Variants in MGAT5 observed in about 807,000 individuals in gnomAD.
MGAT5 encodes the protein alpha-1,6-mannosylglycoprotein 6-beta-N-acetylglucosaminyltransferase.
In MGAT5, 30 loss-of-function variants were observed where a neutral mutation model predicts 94.3. The ratio of observed to expected loss-of-function variants is 0.32; its 90% CI spans 0.24 to 0.43. MGAT5 has a LOEUF of 0.43. Among genes scored for constraint, MGAT5 ranks in the 20% least tolerant of loss-of-function variants. MGAT5 has a pLI of 1.00. For missense variants in MGAT5, 691 were observed against 905.5 expected, an observed-to-expected ratio of 0.76 and a Z score of 3.04; for synonymous variants, 310 against 322.9, an observed-to-expected ratio of 0.96 and a Z score of 0.43.
intron 10 of MGAT5, among the ~76,000 whole-genome samples, chr2:134,368,456 A>G (rs946163294): frequency 1.3e-5 from 2 of 152,208 alleles, no homozygotes; most frequent in Admixed American, 1.3e-4. Flanking sequence ...GAATTTGAAA[A>G]GTTCCTTTTT....
chr2:134,269,110 T>G (rs1683879066), intron 1 of MGAT5, among the ~76,000 whole-genome samples: 1 of 152,232 alleles, frequency 6.6e-6, no homozygotes, highest in South Asian at 2.1e-4. Flanking sequence ...CCATTTTGCA[T>G]TGCTGTAAAA....
intron 10 of MGAT5, among the ~76,000 whole-genome samples, chr2:134,377,182 C>T (rs1681236696): frequency 1.3e-5 from 2 of 152,324 alleles, no homozygotes; most frequent in Non-Finnish European, 2.9e-5. Context: ...TAACTTTTCT[C>T]ATGTAACACA....
At chr2:134,239,544 A>G (rs1573590243) in intron 1 of MGAT5, among the ~76,000 whole-genome samples, 1 of 152,068 alleles carries the variant, frequency 6.6e-6, no homozygotes, top group Non-Finnish European at 1.5e-5. Flanking sequence ...CATCCTTCTT[A>G]CCTACCCTCT....
rs78277120 is a variant in MGAT5, at chr2:134,149,540, G to A, written c.-143+29249G>A. On this transcript the variant is annotated intron_variant, in intron 1 of 16. Coordinates refer to the MGAT5 transcript ENST00000409645. ...GAGTTGGGTTCAAGGCCACACAGAT[G>A]TTGAATGAGCCTTGTGAGCTCTTCT... 8.3e-3 allele frequency among the ~76,000 whole-genome samples: 1,263 copies of A among 152,366 alleles called. 20 individuals carry two copies. The highest frequency in any genetic ancestry group is 0.029 in the African/African-American group (1,205 of 41,586).
chr2:134,124,270 G>A (rs144258661), intron 1 of MGAT5, among the ~76,000 whole-genome samples: 2 of 152,334 alleles, frequency 1.3e-5, no homozygotes, highest in East Asian at 3.9e-4. Flanking sequence ...GAGGAGTTTG[G>A]ACTCGAGCTG....
intron 1 of MGAT5, among the ~76,000 whole-genome samples, chr2:134,248,806 A>G (rs1233452674): frequency 6.6e-6 from 1 of 152,094 alleles, no homozygotes; most frequent in Non-Finnish European, 1.5e-5. Context: ...GCCTTTGTTT[A>G]TCCTCTGAGG....
chr2:134,369,727 T>TTGTG (rs10526028), intron 10 of MGAT5, among the ~76,000 whole-genome samples: 7,733 of 142,202 alleles, frequency 0.054, 601 homozygotes, highest in African/African-American at 0.17. Context: ...GGTTTTTACA[T>TTGTG]TGTGTGTGTG....
chr2:134,261,737 T>C (rs561000806), intron 1 of MGAT5, among the ~76,000 whole-genome samples: 1 of 152,336 alleles, frequency 6.6e-6, no homozygotes, highest in South Asian at 2.1e-4. Context: ...GGAGGGACTT[T>C]GGTCTGTTTT....
chr2:134,258,040 A>C (rs1683088795), intron 1 of MGAT5, among the ~76,000 whole-genome samples: 1 of 152,080 alleles, frequency 6.6e-6, no homozygotes, highest in African/African-American at 2.4e-5. Flanking sequence ...ATGGGTATAC[A>C]GTAGGTATTT....
At chr2:134,267,248 G>A (rs1222561127) in intron 1 of MGAT5, among the ~76,000 whole-genome samples, 1 of 152,214 alleles carries the variant, frequency 6.6e-6, no homozygotes, top group Non-Finnish European at 1.5e-5. Flanking sequence ...ATCAGCCCTG[G>A]AACCAGACTG....
At chr2:134,170,052 G>A (rs1307730586) in intron 1 of MGAT5, among the ~76,000 whole-genome samples, 3 of 152,152 alleles carry the variant, frequency 2.0e-5, no homozygotes, top group Non-Finnish European at 4.4e-5. Flanking sequence ...GCCATATGAT[G>A]CACCAACTAG....
chr2:134,339,628 G>C (rs1688520708), intron 6 of MGAT5, among the ~76,000 whole-genome samples: 1 of 152,102 alleles, frequency 6.6e-6, no homozygotes, highest in African/African-American at 2.4e-5. Flanking sequence ...GGGGAGTTGG[G>C]ATTAGCATGG....
Position 134,154,767 on chromosome 2 carries a change from ACT to A in MGAT5, c.-143+34483_-143+34484del, listed in dbSNP as rs548604405. ...GCCATCCTGACAACTGTGCTGTCTG[ACT>A]CTCTCTAATGAGCTGTGAGGCGATC... On this transcript the variant is annotated intron_variant, in intron 1 of 16. Transcript: ENST00000409645. Among the ~76,000 whole-genome samples, 14 of 151,968 alleles carry A rather than the reference ACT, an allele frequency of 9.2e-5. No individual in the cohort carries two copies. In the South Asian group the frequency reaches 1.0e-3, roughly 11 times the overall value.
At chr2:134,281,256 C>A (rs190744867) in intron 2 of MGAT5, among the ~76,000 whole-genome samples, 20 of 152,308 alleles carry the variant, frequency 1.3e-4, no homozygotes, top group Admixed American at 6.5e-4. Context: ...GTGATTAATA[C>A]CGTGTTACAA....
At chr2:134,137,246 C>G (rs569015612) in intron 1 of MGAT5, among the ~76,000 whole-genome samples, 1 of 152,306 alleles carries the variant, frequency 6.6e-6, no homozygotes, top group South Asian at 2.1e-4. Context: ...GGGTGTTTTC[C>G]TGTTGGCGTA....
In MGAT5 at chr2:134,270,466, G is replaced by C. The variant is rs763384855; in HGVS notation, c.322G>C (p.Val108Leu). 1.9e-6 allele frequency: 3 copies of C among 1,614,118 alleles called. No individual in the cohort carries two copies. Among genetic ancestry groups the C allele is most frequent in the South Asian group, 2.2e-5 (2 of 91,084 alleles). ...GTTGGAGTCGAAGGTGGACAATCTT[G>C]TTGTCAATGGCACCGGAACAAACTC... is the stretch of plus-strand genomic sequence containing the variant. ...GKLESKVDNL[V>L]VNGTGTNSTN... is the part of the protein sequence containing the mutation. The change falls in exon 2 of 16, where the codon GTT becomes CTT. Residue 108 changes from valine (V) to leucine (L), a missense_variant. Coordinates refer to ENST00000281923, the MANE Select transcript of MGAT5 (RefSeq NM_002410.5).
chr2:134,197,581 G>A (rs1679558982), intron 1 of MGAT5, among the ~76,000 whole-genome samples: 1 of 151,666 alleles, frequency 6.6e-6, no homozygotes, highest in Non-Finnish European at 1.5e-5. Context: ...AGGAGGAAAA[G>A]GAAAGTATGA....
intron 1 of MGAT5, among the ~76,000 whole-genome samples, chr2:134,148,770 T>TTTTG: frequency 6.7e-6 from 1 of 149,128 alleles, no homozygotes; most frequent in African/African-American, 2.5e-5. Context: ...TTTTTTTTTT[T>TTTTG]TTTTTTTTTT....
intron 12 of MGAT5, among the ~76,000 whole-genome samples, chr2:134,414,617 T>C (rs1011665851): frequency 3.3e-5 from 5 of 152,008 alleles, no homozygotes; most frequent in African/African-American, 1.2e-4. Flanking sequence ...ATTTTTTTCA[T>C]GGTAAAAACA....
Sources: gnomAD v4.1 joint callset for allele counts (sites outside exome capture counted in the v4.1 genomes callset) on GRCh38, gnomAD v4.1.1 for gene constraint, MANE v1.5 for transcripts, NCBI Gene and HGNC (gene_info 2026-07-23, HGNC 2026-07-21) for gene names.